STRN3: variants seen among roughly 807,000 people sequenced by gnomAD.
STRN3 encodes the protein striatin 3, also known as striatin-3.
STRN3 carries 29 observed loss-of-function variants against 95.6 expected under a neutral mutation model. The ratio of observed to expected loss-of-function variants is 0.30; its 90% CI spans 0.23 to 0.41. STRN3 has a LOEUF of 0.41. Ranked by LOEUF, STRN3 falls within the 10% of genes least tolerant of loss-of-function variation. The pLI is 1.00. For synonymous variants in STRN3, 331 were observed against 357.6 expected, an observed-to-expected ratio of 0.93 and a Z score of 0.84; for missense variants, 890 against 972.1, an observed-to-expected ratio of 0.92 and a Z score of 1.12.
chr14:30,939,027 G>A (rs1029004366), intron 5 of STRN3, among the ~76,000 whole-genome samples: 1 of 152,140 alleles, frequency 6.6e-6, no homozygotes, highest in Non-Finnish European at 1.5e-5. Context: ...CTCCTCAGGA[G>A]CACAGAAAGT....
intron 4 of STRN3, among the ~76,000 whole-genome samples, chr14:30,949,267 T>TA (rs1051609923): frequency 1.8e-4 from 27 of 152,138 alleles, no homozygotes; most frequent in Admixed American, 1.8e-3. Context: ...CCTGGACTGA[T>TA]AAATACCTTT....
chr14:30,897,922 G>A (rs1380320902), intron 16 of STRN3, among the ~76,000 whole-genome samples: 1 of 152,054 alleles, frequency 6.6e-6, no homozygotes, highest in Non-Finnish European at 1.5e-5. Flanking sequence ...AAAATATTAG[G>A]GGTTAAATAC....
At chr14:30,902,002 T>C (rs1896329887) in intron 16 of STRN3, among the ~76,000 whole-genome samples, 1 of 151,366 alleles carries the variant, frequency 6.6e-6, no homozygotes, top group Admixed American at 6.6e-5. Flanking sequence ...ACCCCGTCTC[T>C]ACTAAAAATA....
chr14:30,917,589 G>C (rs2139008580), intron 9 of STRN3, among the ~76,000 whole-genome samples: 1 of 150,772 alleles, frequency 6.6e-6, no homozygotes, highest in East Asian at 1.9e-4. Flanking sequence ...GTGTATTTTA[G>C]AAAATACTTC....
intron 1 of STRN3, among the ~76,000 whole-genome samples, chr14:30,996,845 G>A (rs1204372943): frequency 1.4e-5 from 2 of 148,080 alleles, no homozygotes; most frequent in East Asian, 3.9e-4. Flanking sequence ...AGGGCTGGGT[G>A]ACAGAGCGAG....
chr14:30,938,142 C>A (rs531047625), intron 5 of STRN3, among the ~76,000 whole-genome samples: 29 of 148,860 alleles, frequency 1.9e-4, no homozygotes, highest in African/African-American at 7.2e-4. Flanking sequence ...AGATGTAGAA[C>A]CTACAGATAG....
In STRN3 at chr14:30,911,073, G is replaced by C. The variant is rs775083165; in HGVS notation, c.1688C>G (p.Pro563Arg). The C allele has an allele frequency of 1.2e-6, 2 of 1,613,870 alleles. No individual in the cohort carries two copies. The highest frequency in any genetic ancestry group is 1.1e-5 in the South Asian group (1 of 91,070). Residue 563 changes from proline (P) to arginine (R), a missense_variant, in exon 13 of 18, where the codon CCG becomes CGG. This residue lies in a region of STRN3 where 357 missense variants were observed against 422.8 expected (regional missense o/e 0.84). Transcript: ENST00000357479. ...ATCATATGGATCTACACTGGGACTC[G>C]GCATATTCCACCACTGGATGGTTGC... ...IDATIQWWNM[P>R]SPSVDPYDTY...
At chr14:31,002,178 AAAAAAAAAAAC>A (rs1330868290) in intron 1 of STRN3, among the ~76,000 whole-genome samples, 10 of 141,980 alleles carry the variant, frequency 7.0e-5, no homozygotes, top group South Asian at 2.3e-4. Flanking sequence ...AAAAAAAAAA[AAAAAAAAAAAC>A]AAGGCCAGGC....
At chr14:30,918,020 C>T (rs773869898) in intron 9 of STRN3, among the ~76,000 whole-genome samples, 10 of 152,050 alleles carry the variant, frequency 6.6e-5, no homozygotes, top group East Asian at 1.9e-4. Flanking sequence ...CATATATCTT[C>T]GGCTAAAATC....
In STRN3 at chr14:30,912,014, C is replaced by T; in HGVS notation, c.1543G>A (p.Ala515Thr). 2 of 1,605,682 alleles carry T rather than the reference C, an allele frequency of 1.2e-6. No individual in the cohort carries two copies. Residue 515 changes from alanine to threonine, a missense_variant, in exon 11 of 18, where the codon GCC becomes ACC. Ala to Thr is a moderately conservative substitution (Grantham distance 58). Around this residue, in one of 3 missense-constraint regions of STRN3, gnomAD observed 357 missense variants for 422.8 expected, o/e 0.84. Transcript: ENST00000357479. ...TAACACTAAAATACTTGCTTTTTGG[C>T]AGGAACTGTTTTTTGCAGGTTCCAA... ...KLWNLQKTVP[A>T]KKSASLDVEP...
chr14:30,914,751 G>A (rs531969988), intron 9 of STRN3, among the ~76,000 whole-genome samples: 17 of 152,304 alleles, frequency 1.1e-4, no homozygotes, highest in Non-Finnish European at 2.2e-4. Flanking sequence ...TGACCACAGA[G>A]CTTTAATTTC....
At chr14:31,014,290 G>T (rs928500282) in intron 1 of STRN3, among the ~76,000 whole-genome samples, 2 of 151,908 alleles carry the variant, frequency 1.3e-5, no homozygotes, top group Non-Finnish European at 1.5e-5. Flanking sequence ...ACGTGATCTC[G>T]GCCCACTGCA....
chr14:30,944,418 T>A (rs894853884), intron 5 of STRN3, among the ~76,000 whole-genome samples: 1 of 151,380 alleles, frequency 6.6e-6, no homozygotes, highest in Non-Finnish European at 1.5e-5. Context: ...CAAAGGCTTA[T>A]GTTAACTTTA....
At chr14:30,912,724 C>CAGAT (rs1896641353) in intron 10 of STRN3, among the ~76,000 whole-genome samples, 1 of 151,972 alleles carries the variant, frequency 6.6e-6, no homozygotes, top group African/African-American at 2.4e-5. Context: ...CACATTTCTC[C>CAGAT]ATCTGTAAAG....
chr14:30,898,906 C>T (rs922291342), intron 16 of STRN3, among the ~76,000 whole-genome samples: 10 of 152,118 alleles, frequency 6.6e-5, no homozygotes, highest in Admixed American at 2.6e-4. Context: ...ATGTAAACTA[C>T]GGAAACAAAC....
chr14:30,943,665 A>T (rs1414725305), intron 5 of STRN3, among the ~76,000 whole-genome samples: 6 of 152,218 alleles, frequency 3.9e-5, no homozygotes, highest in Non-Finnish European at 8.8e-5. Flanking sequence ...AAATAAAGAA[A>T]ATGCAGTATA....
In STRN3 at chr14:30,962,450, A is replaced by G. The variant is rs1229923374; in HGVS notation, c.283-6208T>C. Among the ~76,000 whole-genome samples the G allele has an allele frequency of 2.0e-5, 3 of 152,218 alleles. No homozygotes were observed. The East Asian group carries it at 5.8e-4, about 29-fold the overall frequency. The stretch of plus-strand genomic sequence containing the variant: ...ACAATGCCACAGGCCTACAAATTCA[A>G]TCACCACTCACTGACTCAACCAGAG... On this transcript the variant is annotated intron_variant, in intron 1 of 17. Transcript: ENST00000357479.
At chr14:31,019,591 C>A (rs894787850) in intron 1 of STRN3, among the ~76,000 whole-genome samples, 4 of 152,008 alleles carry the variant, frequency 2.6e-5, no homozygotes, top group Non-Finnish European at 5.9e-5. Context: ...TCAAAGAATT[C>A]TGGCAGGAGG....
chr14:30,957,035 G>A (rs58986812), intron 1 of STRN3, among the ~76,000 whole-genome samples: 1 of 152,268 alleles, frequency 6.6e-6, no homozygotes, highest in East Asian at 1.9e-4. Context: ...GCAGGTGCCT[G>A]TAATCCCAGC....
Sources: allele counts gnomAD v4.1 joint callset (sites outside exome capture counted in the v4.1 genomes callset), GRCh38; gene constraint gnomAD v4.1.1; regional missense constraint gnomAD v4.1.1; transcripts MANE v1.5; gene names NCBI Gene and HGNC (gene_info 2026-07-23, HGNC 2026-07-21).